HDAC9: variants seen among roughly 807,000 people sequenced by gnomAD.
HDAC9 encodes the protein MEF-2 interacting transcription repressor (MITR) protein.
A neutral mutation model predicts 139.4 loss-of-function variants in HDAC9; 41 were observed. That is an observed-to-expected ratio of 0.29 (90% CI 0.23 to 0.38). The LOEUF (loss-of-function observed/expected upper bound fraction) is 0.38. Among genes scored for constraint, HDAC9 ranks in the 10% least tolerant of loss-of-function variants. The pLI, the probability that HDAC9 is intolerant of heterozygous loss-of-function variation, is 1.00. For synonymous variants in HDAC9, 517 were observed against 476.2 expected (o/e 1.09, Z -1.12); for missense variants, 1,147 against 1,297.0 (o/e 0.88, Z 1.78).
chr7:18,147,060 G>A (rs1175813967), intron 1 of HDAC9, among the ~76,000 whole-genome samples: 1 of 152,128 alleles, frequency 6.6e-6, no homozygotes, highest in East Asian at 1.9e-4. Context: ...ACAAGGATAT[G>A]TAATGTTATT....
At chr7:18,298,899 C>T (rs2128228573) in intron 1 of HDAC9, among the ~76,000 whole-genome samples, 1 of 152,198 alleles carries the variant, frequency 6.6e-6, no homozygotes, top group East Asian at 1.9e-4. Context: ...TTTGTAACAA[C>T]ACCGTGAACG....
In HDAC9 at chr7:18,307,132, TGTGTGTG is replaced by T. The variant is rs1562860951; in HGVS notation, c.-42+16618_-42+16624del. Among the ~76,000 whole-genome samples, 519 of 151,530 alleles carry T rather than the reference TGTGTGTG, an allele frequency of 3.4e-3. 4 individuals carry two copies. Among genetic ancestry groups the T allele is most frequent in the African/African-American group, 0.012 (481 of 41,146 alleles). ...GTGTGTGTGTGTGTGTGTGTGTGTG[TGTGTGTG>T]TGTGTTTGTATAGGAGGAGGCAAGA... On this transcript the variant is annotated intron_variant, in intron 1 of 3. Coordinates refer to the HDAC9 transcript ENST00000413509.
intron 16 of HDAC9, among the ~76,000 whole-genome samples, chr7:18,770,506 C>A (rs900367845): frequency 6.6e-6 from 1 of 152,128 alleles, no homozygotes; most frequent in Non-Finnish European, 1.5e-5. Context: ...GAAGTCATTT[C>A]TCAGCCTCAT....
intron 2 of HDAC9, among the ~76,000 whole-genome samples, chr7:18,227,771 T>A (rs1457902779): frequency 2.0e-5 from 3 of 152,214 alleles, no homozygotes; most frequent in Non-Finnish European, 4.4e-5. Flanking sequence ...TTTTGTGTAA[T>A]GTTATAATAG....
intron 2 of HDAC9, among the ~76,000 whole-genome samples, chr7:18,560,231 C>G (rs1049180582): frequency 6.6e-6 from 1 of 152,002 alleles, no homozygotes; most frequent in Non-Finnish European, 1.5e-5. Context: ...TGAGCATGGA[C>G]CATAACTGGG....
chr7:18,848,788 A>G (rs1195280641), intron 21 of HDAC9, among the ~76,000 whole-genome samples: 1 of 152,110 alleles, frequency 6.6e-6, no homozygotes, highest in East Asian at 1.9e-4. Context: ...TCCAAACCAT[A>G]TTTTGCTAAA....
rs548860531 is a variant in HDAC9, at chr7:18,704,782, A to G, written c.1732-22798A>G. 8.5e-5 allele frequency among the ~76,000 whole-genome samples: 13 copies of G among 152,326 alleles called. No homozygotes were observed. In the South Asian group the frequency reaches 1.4e-3, roughly 17 times the overall value. ...TGATAATAATTTTTAAAAATAGGTCACATAGCCTACATATCACAAGCAGTT... is the reference window on the plus strand; with the variant it reads ...TGATAATAATTTTTAAAAATAGGTCGCATAGCCTACATATCACAAGCAGTT... On this transcript the variant is annotated intron_variant, in intron 12 of 25. Coordinates refer to ENST00000686413, the MANE Select transcript of HDAC9 (RefSeq NM_178425.4).
chr7:18,300,171 A>G (rs889507419), intron 1 of HDAC9, among the ~76,000 whole-genome samples: 11 of 151,448 alleles, frequency 7.3e-5, no homozygotes, highest in African/African-American at 2.7e-4. Flanking sequence ...TTCCTAAAAC[A>G]TTATGAGATT....
intron 22 of HDAC9, among the ~76,000 whole-genome samples, chr7:18,916,802 T>C (rs993667483): frequency 4.6e-5 from 7 of 152,032 alleles, no homozygotes; most frequent in African/African-American, 1.4e-4. Context: ...TTGCTGGCCA[T>C]GTCTTCGCAA....
At chr7:18,232,839 G>A (rs1000089940) in intron 2 of HDAC9, among the ~76,000 whole-genome samples, 10 of 152,092 alleles carry the variant, frequency 6.6e-5, no homozygotes, top group African/African-American at 2.2e-4. Context: ...AATGCCCTTT[G>A]CCCAATTCCT....
At chr7:18,430,955 C>G (rs1252597156) in intron 1 of HDAC9, among the ~76,000 whole-genome samples, 8 of 152,112 alleles carry the variant, frequency 5.3e-5, no homozygotes, top group Non-Finnish European at 1.2e-4. Flanking sequence ...ATTTTCTATT[C>G]TGTTCCAGAC....
At chr7:18,106,491 C>G (rs898810363) in intron 1 of HDAC9, among the ~76,000 whole-genome samples, 2 of 151,920 alleles carry the variant, frequency 1.3e-5, no homozygotes, top group African/African-American at 4.8e-5. Context: ...CCCACTCTGT[C>G]TCCCAGGCTG....
intron 1 of HDAC9, among the ~76,000 whole-genome samples, chr7:18,476,310 T>G (rs1227366615): frequency 6.6e-6 from 1 of 152,082 alleles, no homozygotes; most frequent in Non-Finnish European, 1.5e-5. Flanking sequence ...TAATGACAAA[T>G]GAATACTCAC....
chr7:18,671,818 G>A (rs371528637), intron 12 of HDAC9, among the ~76,000 whole-genome samples: 3 of 151,942 alleles, frequency 2.0e-5, no homozygotes, highest in African/African-American at 7.2e-5. Flanking sequence ...ATGAAGTCAT[G>A]CATTATGTGG....
intron 9 of HDAC9, among the ~76,000 whole-genome samples, chr7:18,647,570 A>G (rs1787835612): frequency 6.6e-6 from 1 of 152,300 alleles, no homozygotes; most frequent in African/African-American, 2.4e-5. Flanking sequence ...ATACAATGAC[A>G]ATATTAAATT....
intron 1 of HDAC9, among the ~76,000 whole-genome samples, chr7:18,332,361 ATGTGTGTG>A (rs33993916): frequency 5.3e-4 from 71 of 134,702 alleles, no homozygotes; most frequent in East Asian, 1.9e-3. Flanking sequence ...GCATGCGCAC[ATGTGTGTG>A]TGTGTGTGTG....
rs376412647 is a variant in HDAC9 at position 18,908,118 on chromosome 7, T to C, written c.2804-27691T>C. Among the ~76,000 whole-genome samples, 250 of 152,166 alleles carry C rather than the reference T, an allele frequency of 1.6e-3. No individual in the cohort carries two copies. In the Middle Eastern group the frequency reaches 0.017, roughly 10 times the overall value. On this transcript the variant is annotated intron_variant, in intron 22 of 25. Transcript: ENST00000686413. ...ATTTGAGACATGAAATGTCTCAAAT[T>C]ATGCATATTCTTTAAAAACATTAAT...
At chr7:18,966,417 A>C (rs959161020) in intron 24 of HDAC9, among the ~76,000 whole-genome samples, 1 of 152,190 alleles carries the variant, frequency 6.6e-6, no homozygotes, top group African/African-American at 2.4e-5. Flanking sequence ...AGATAGAGTT[A>C]GGGGTCGGGA....
intron 16 of HDAC9, among the ~76,000 whole-genome samples, chr7:18,776,779 G>A (rs565906841): frequency 3.5e-4 from 53 of 151,982 alleles, no homozygotes; most frequent in African/African-American, 1.3e-3. Flanking sequence ...GGGGTACAGA[G>A]AATAATAAGA....
Sources: gnomAD v4.1 joint callset for allele counts (sites outside exome capture counted in the v4.1 genomes callset) on GRCh38, gnomAD v4.1.1 for gene constraint, MANE v1.5 for transcripts, NCBI Gene and HGNC (gene_info 2026-07-23, HGNC 2026-07-21) for gene names.